Variants in MSI2 observed in about 807,000 individuals in gnomAD.
The protein encoded by MSI2 is musashi RNA binding protein 2.
A neutral mutation model predicts 45.6 loss-of-function variants in MSI2; 17 were observed. The ratio of observed to expected loss-of-function variants is 0.37; its 90% CI spans 0.26 to 0.56. The LOEUF is 0.56. Among genes scored for constraint, MSI2 ranks in the 20% least tolerant of loss-of-function variants. MSI2 has a pLI of 0.77. For missense variants in MSI2, 293 were observed against 444.2 expected (o/e 0.66, Z 3.06); for synonymous variants, 156 against 158.2 (o/e 0.99, Z 0.11).
At chr17:57,402,598 T>C (rs1222190113) in intron 6 of MSI2, among the ~76,000 whole-genome samples, 2 of 152,226 alleles carry the variant, frequency 1.3e-5, no homozygotes, top group Non-Finnish European at 2.9e-5. Context: ...TAGGCAGCTA[T>C]GACCCTGTCC....
intron 5 of MSI2, among the ~76,000 whole-genome samples, chr17:57,304,781 T>C (rs773151887): frequency 4.6e-5 from 7 of 152,144 alleles, no homozygotes; most frequent in Non-Finnish European, 8.8e-5. Flanking sequence ...TATTTGTCAG[T>C]AGTCTTAAGC....
intron 6 of MSI2, among the ~76,000 whole-genome samples, chr17:57,470,453 T>C (rs1177840938): frequency 6.6e-6 from 1 of 152,030 alleles, no homozygotes; most frequent in Non-Finnish European, 1.5e-5. Flanking sequence ...AATTTTTGTA[T>C]TTTTAGTAGA....
chr17:57,701,010 A>G, the MSI2 span, among the ~76,000 whole-genome samples: 1 of 152,148 alleles, frequency 6.6e-6, no homozygotes, highest in East Asian at 1.9e-4. Context: ...GTGAAGGGTG[A>G]AGATGAGAAT....
At chr17:57,408,586 G>A (rs1038647920) in intron 6 of MSI2, among the ~76,000 whole-genome samples, 8 of 152,194 alleles carry the variant, frequency 5.3e-5, no homozygotes, top group African/African-American at 1.4e-4. Flanking sequence ...ATGAGCCCTG[G>A]GTGGGTAGGG....
At chr17:57,701,462 G>T in the MSI2 span, among the ~76,000 whole-genome samples, 70 of 152,306 alleles carry the variant, frequency 4.6e-4, no homozygotes, top group African/African-American at 1.6e-3. Flanking sequence ...AAAACAGTGA[G>T]AAATTGCTGC....
intron 7 of MSI2, among the ~76,000 whole-genome samples, chr17:57,595,667 G>C (rs1196580551): frequency 6.6e-6 from 1 of 151,742 alleles, no homozygotes; most frequent in Non-Finnish European, 1.5e-5. Context: ...TCACCTCCCA[G>C]AGGCCTGAAC....
intron 5 of MSI2, among the ~76,000 whole-genome samples, chr17:57,328,463 C>T (rs1215027485): frequency 3.9e-5 from 6 of 152,190 alleles, no homozygotes; most frequent in Non-Finnish European, 8.8e-5. Flanking sequence ...GTAGACATAA[C>T]TTTGTATATA....
At chr17:57,411,985 C>T (rs762362475) in intron 6 of MSI2, among the ~76,000 whole-genome samples, 6 of 150,868 alleles carry the variant, frequency 4.0e-5, no homozygotes, top group East Asian at 2.0e-4. Flanking sequence ...CCAGCCTGGG[C>T]GACAAACCAA....
chr17:57,683,823 A>G lies in MSI2; in HGVS notation c.*4306A>G, dbSNP rs1195713437. The G allele has an allele frequency of 8.6e-6, 2 of 232,296 alleles. No individual in the cohort carries two copies. Among genetic ancestry groups the G allele is most frequent in the Non-Finnish European group, 1.7e-5 (2 of 117,600 alleles). 14.4% of individuals were successfully genotyped at this position (232,296 alleles called of 1,614,324 possible). On this transcript the variant is annotated 3_prime_UTR_variant, in exon 14 of 14. Coordinates refer to ENST00000284073, the MANE Select transcript of MSI2 (RefSeq NM_138962.4). This position sits in a 1 kb window ranked among gnomAD's most constrained non-coding sequence, Gnocchi z 5.2. ...CCCCACCCTCACCCCAAAGCAGAAA[A>G]CTAGCAGACGTCAGCTCAGCCCCGT...
At chr17:57,504,425 G>A (rs1023817571) in intron 6 of MSI2, among the ~76,000 whole-genome samples, 6 of 152,186 alleles carry the variant, frequency 3.9e-5, no homozygotes, top group African/African-American at 9.7e-5. Flanking sequence ...GGGGGTGTGC[G>A]TCCGAGGGGA....
At chr17:57,438,240 C>G (rs115837471) in intron 6 of MSI2, among the ~76,000 whole-genome samples, 7 of 152,142 alleles carry the variant, frequency 4.6e-5, no homozygotes, top group African/African-American at 1.7e-4. Flanking sequence ...CCACAGCAAG[C>G]TTTCCTCTCC....
intron 2 of MSI2, 80 bp downstream of exon 2, chr17:57,257,218 C>T (rs1210719356): frequency 1.9e-5 from 2 of 107,368 alleles, no homozygotes; most frequent in South Asian, 1.5e-4. Context: ...GTGTAGGAGC[C>T]CCCCCCCCCC....
intron 6 of MSI2, among the ~76,000 whole-genome samples, chr17:57,491,802 T>C (rs570693951): frequency 7.0e-4 from 107 of 152,316 alleles, no homozygotes; most frequent in African/African-American, 2.5e-3. Context: ...AAGCCACAGT[T>C]TTCCTCCTTC....
intron 7 of MSI2, among the ~76,000 whole-genome samples, chr17:57,559,616 T>C (rs542732223): frequency 6.6e-6 from 1 of 152,122 alleles, no homozygotes; most frequent in East Asian, 1.9e-4. Flanking sequence ...GGCACTGGGG[T>C]GAGGGAAAGT....
intron 6 of MSI2, among the ~76,000 whole-genome samples, chr17:57,504,195 G>T (rs776792905): frequency 2.0e-5 from 3 of 152,132 alleles, no homozygotes; most frequent in Non-Finnish European, 2.9e-5. Context: ...GCCTCTTCCT[G>T]CAGGGCACCC....
At chr17:57,289,485 T>TG (rs1910221488) in intron 5 of MSI2, among the ~76,000 whole-genome samples, 1 of 149,004 alleles carries the variant, frequency 6.7e-6, no homozygotes, top group Non-Finnish European at 1.5e-5. Context: ...ATGAATTCAT[T>TG]AAAAAAAAAA....
chr17:57,473,894 C>T (rs977587168), intron 6 of MSI2, among the ~76,000 whole-genome samples: 5 of 152,210 alleles, frequency 3.3e-5, no homozygotes, highest in African/African-American at 1.2e-4. Context: ...CGCTTAGCCC[C>T]AGCAGACTGA....
At chr17:57,669,569 A>G (rs1220551384) in intron 11 of MSI2, among the ~76,000 whole-genome samples, 2 of 152,220 alleles carry the variant, frequency 1.3e-5, no homozygotes, top group African/African-American at 4.8e-5. Flanking sequence ...AGATGAAGGT[A>G]GAGGTGTGTG....
In MSI2 at chr17:57,468,758, G is replaced by A. The variant is rs185141904; in HGVS notation, c.406-60918G>A. Among the ~76,000 whole-genome samples the A allele has an allele frequency of 5.3e-3, 800 of 152,148 alleles. 6 individuals carry two copies. Among genetic ancestry groups the A allele is most frequent in the African/African-American group, 0.018 (757 of 41,502 alleles). ...GTGGTAGAGTGGCTGCCCAGAACGCGGGTCTCTTGGGCCTCATCCGGGCAT... is the reference window on the plus strand; with the variant it reads ...GTGGTAGAGTGGCTGCCCAGAACGCAGGTCTCTTGGGCCTCATCCGGGCAT... On this transcript the variant is annotated intron_variant, in intron 6 of 13. Coordinates refer to ENST00000284073, the MANE Select transcript of MSI2 (RefSeq NM_138962.4).
Sources: gnomAD v4.1 joint callset for allele counts (sites outside exome capture counted in the v4.1 genomes callset) on GRCh38, gnomAD v4.1.1 for gene constraint, Gnocchi (gnomAD v3.1) non-coding constraint, MANE v1.5 for transcripts, NCBI Gene and HGNC (gene_info 2026-07-23, HGNC 2026-07-21) for gene names.